Variants in PIK3C2G observed in about 807,000 individuals in gnomAD.
PIK3C2G encodes the protein phosphatidylinositol-4-phosphate 3-kinase catalytic subunit type 2 gamma.
Under a neutral mutation model 181.1 loss-of-function variants are expected in PIK3C2G, and 168 were observed. That is an observed-to-expected ratio of 0.93 (90% confidence interval 0.82 to 1.05). The LOEUF is 1.05. Among genes scored for constraint, PIK3C2G ranks in the 50% least tolerant of loss-of-function variants. The pLI is 0.00. For synonymous variants in PIK3C2G, 573 were observed against 592.2 expected (o/e 0.97, Z 0.47); for missense variants, 1,869 against 1,732.8 (o/e 1.08, Z -1.40).
At chr12:18,707,900 G>A in the PIK3C2G span, among the ~76,000 whole-genome samples, 1 of 152,068 alleles carries the variant, frequency 6.6e-6, no homozygotes, top group Non-Finnish European at 1.5e-5. Flanking sequence ...TATACTTAAG[G>A]TATACAACAT....
intron 29 of PIK3C2G, among the ~76,000 whole-genome samples, chr12:18,567,883 A>C (rs1945721070): frequency 6.6e-6 from 1 of 152,174 alleles, no homozygotes; most frequent in African/African-American, 2.4e-5. Flanking sequence ...TATGGAATTA[A>C]AATGAAAATG....
chr12:18,700,036 A>C, the PIK3C2G span: 1 of 1,099,850 alleles, frequency 9.1e-7, no homozygotes, highest in Admixed American at 2.1e-5. Context: ...ACACTTTCAA[A>C]CAAATGATTT....
the PIK3C2G span, chr12:18,687,979 C>T: frequency 1.4e-6 from 2 of 1,440,942 alleles, no homozygotes; most frequent in African/African-American, 2.9e-5. Context: ...TAATGGAAAA[C>T]CCTTGTCTTA....
chr12:18,525,905 A>C (rs903995220), intron 24 of PIK3C2G, among the ~76,000 whole-genome samples: 1 of 152,200 alleles, frequency 6.6e-6, no homozygotes, highest in African/African-American at 2.4e-5. Context: ...CAGTCTTATC[A>C]CAACGTTGTT....
chr12:18,543,690 A>C (rs905855882), intron 25 of PIK3C2G, among the ~76,000 whole-genome samples: 6 of 151,998 alleles, frequency 3.9e-5, no homozygotes, highest in African/African-American at 1.4e-4. Flanking sequence ...GTAAAAGATC[A>C]GATGATCATA....
the PIK3C2G span, among the ~76,000 whole-genome samples, chr12:18,704,259 A>G: frequency 2.0e-5 from 3 of 152,172 alleles, no homozygotes; most frequent in Non-Finnish European, 4.4e-5. Flanking sequence ...ATTAGAAGAG[A>G]AAGAGGGACT....
chr12:18,563,313 G>C, intron 27 of PIK3C2G, 64 bp from the exon 28 acceptor site: 1 of 1,486,084 alleles, frequency 6.7e-7, no homozygotes, highest in Non-Finnish European at 9.1e-7. Flanking sequence ...ATAAAATCGG[G>C]TTTTAGAGTG....
chr12:18,426,178 C>CA (rs541626458), intron 18 of PIK3C2G, among the ~76,000 whole-genome samples: 7 of 151,926 alleles, frequency 4.6e-5, no homozygotes, highest in South Asian at 2.1e-4. Flanking sequence ...TGTTTATTAA[C>CA]AAAAAAAATT....
At chr12:18,597,146 T>TA (rs1397421865) in intron 30 of PIK3C2G, among the ~76,000 whole-genome samples, 8 of 151,588 alleles carry the variant, frequency 5.3e-5, no homozygotes, top group Non-Finnish European at 1.0e-4. Flanking sequence ...AATCAAGCAA[T>TA]AAAAAAATCT....
At chr12:18,676,582 A>G in the PIK3C2G span, among the ~76,000 whole-genome samples, 1 of 151,172 alleles carries the variant, frequency 6.6e-6, no homozygotes, top group African/African-American at 2.4e-5. Context: ...AAGGGAGTGT[A>G]TTTCTTACTG....
intron 11 of PIK3C2G, among the ~76,000 whole-genome samples, chr12:18,356,640 A>C (rs548014018): frequency 1.6e-4 from 25 of 152,176 alleles, no homozygotes; most frequent in African/African-American, 5.8e-4. Context: ...GGGGGATTTC[A>C]CTGCCAATGA....
intron 6 of PIK3C2G, chr12:18,319,984 C>T (rs937427662): frequency 1.3e-5 from 2 of 152,152 alleles, no homozygotes; most frequent in Non-Finnish European, 2.9e-5. Flanking sequence ...ATAACAGTGA[C>T]CTTATTCTTT....
intron 11 of PIK3C2G, among the ~76,000 whole-genome samples, chr12:18,351,487 A>G (rs1940208532): frequency 6.6e-6 from 1 of 150,942 alleles, no homozygotes. Flanking sequence ...TCATCATAGT[A>G]CTATTAACTG....
intron 29 of PIK3C2G, among the ~76,000 whole-genome samples, chr12:18,584,303 G>A (rs1372015710): frequency 1.3e-5 from 2 of 152,034 alleles, no homozygotes; most frequent in Non-Finnish European, 2.9e-5. Context: ...TTACAGGCAT[G>A]AGCCACCATG....
chr12:18,398,390 C>G (rs538340026), intron 15 of PIK3C2G, among the ~76,000 whole-genome samples: 3 of 152,160 alleles, frequency 2.0e-5, no homozygotes, highest in African/African-American at 7.2e-5. Flanking sequence ...AAAAAAGGAA[C>G]CTAACCACAC....
chr12:18,607,158 T>C lies in PIK3C2G; in HGVS notation c.4088-2377T>C, dbSNP rs765457504. 7 of 516,650 alleles carry C rather than the reference T, an allele frequency of 1.4e-5. No individual in the cohort carries two copies. The Admixed American group carries it at 1.4e-4, about 10-fold the overall frequency. The allele number at this position is 516,650 out of a possible 1,614,324, so 32.0% of individuals were successfully genotyped here. ...AGATGACCACACAAACTATTTTGCG[T>C]TTTAATTAAGCTTTGAAGAAAGGTA... On this transcript the variant is annotated intron_variant, in intron 30 of 32. Transcript: ENST00000538779.
At chr12:18,296,747 C>T (rs1163305667) in intron 5 of PIK3C2G, among the ~76,000 whole-genome samples, 1 of 152,020 alleles carries the variant, frequency 6.6e-6, no homozygotes, top group African/African-American at 2.4e-5. Flanking sequence ...CTCTCTCTCT[C>T]ACTTTCTTAC....
At chr12:18,650,712 C>CTATATA (rs1157799425), downstream of PIK3C2G, among the ~76,000 whole-genome samples, 37 of 14,588 alleles carry the variant, frequency 2.5e-3, no homozygotes, top group South Asian at 3.5e-3. Flanking sequence ...GTGTATATAT[C>CTATATA]TATATATATA....
At chr12:18,527,153 T>C (rs1183663486) in intron 24 of PIK3C2G, among the ~76,000 whole-genome samples, 8 of 152,226 alleles carry the variant, frequency 5.3e-5, no homozygotes, top group Non-Finnish European at 5.9e-5. Context: ...AAGCATAAGA[T>C]GGAAGGCATG....
Sources: allele counts gnomAD v4.1 joint callset (sites outside exome capture counted in the v4.1 genomes callset), GRCh38; gene constraint gnomAD v4.1.1; transcripts MANE v1.5; gene names NCBI Gene and HGNC (gene_info 2026-07-23, HGNC 2026-07-21).